MTUS2: variants seen among roughly 807,000 people sequenced by gnomAD.
The protein encoded by MTUS2 is microtubule-associated tumor suppressor candidate 2.
A neutral mutation model predicts 114.1 loss-of-function variants in MTUS2; 40 were observed. The observed-to-expected ratio is 0.35, with a 90% CI of 0.27 to 0.46. The LOEUF is 0.46. Among genes scored for constraint, MTUS2 ranks in the 20% least tolerant of loss-of-function variants. MTUS2 has a pLI of 1.00. For synonymous variants in MTUS2, 688 were observed against 672.0 expected, an observed-to-expected ratio of 1.02 and a Z score of -0.37; for missense variants, 1,679 against 1,705.4, an observed-to-expected ratio of 0.98 and a Z score of 0.27.
rs184199708 is a variant in MTUS2, at chr13:29,359,886, G to A, written c.3117+413G>A. On this transcript the variant is annotated intron_variant, in intron 8 of 15. Transcript: ENST00000612955. Reference sequence around the variant, plus strand: ...GAGACAGGGCCCCAGTACCGTTCACGTCGGCTGTTGATGGGCAATGGAATG... The same window carrying A: ...GAGACAGGGCCCCAGTACCGTTCACATCGGCTGTTGATGGGCAATGGAATG... Among the ~76,000 whole-genome samples, 21 of 152,256 alleles carry A rather than the reference G, an allele frequency of 1.4e-4. No individual in the cohort carries two copies. The East Asian group carries it at 1.7e-3, about 13-fold the overall frequency.
At chr13:29,046,485 C>T (rs1455133306) in intron 4 of MTUS2, among the ~76,000 whole-genome samples, 2 of 152,182 alleles carry the variant, frequency 1.3e-5, no homozygotes, top group Non-Finnish European at 1.5e-5. Context: ...TTATTGATTA[C>T]TCCTTTCTTT....
chr13:28,895,496 T>TAC (rs1879210799), intron 2 of MTUS2, among the ~76,000 whole-genome samples: 1 of 152,238 alleles, frequency 6.6e-6, no homozygotes, highest in Non-Finnish European at 1.5e-5. Context: ...ATTAGAGAGT[T>TAC]ACATTCATTC....
chr13:29,188,270 C>G (rs944988599), intron 5 of MTUS2, among the ~76,000 whole-genome samples: 4 of 151,954 alleles, frequency 2.6e-5, no homozygotes, highest in African/African-American at 9.7e-5. Flanking sequence ...GATTCCATGG[C>G]AAAAGAGTGG....
chr13:28,964,617 G>A lies in MTUS2; in HGVS notation c.-242-59840G>A, dbSNP rs12100136. 2.2e-3 allele frequency among the ~76,000 whole-genome samples: 329 copies of A among 151,608 alleles called. 2 individuals carry two copies. Among genetic ancestry groups the A allele is most frequent in the African/African-American group, 6.4e-3 (263 of 41,392 alleles). The stretch of plus-strand genomic sequence containing the variant: ...CTGCAGAGTTGCAAGTGACATTGGG[G>A]ATAAACAGATCTGTTGCTGCTTTTT... On this transcript the variant is annotated intron_variant, in intron 2 of 15. Transcript: ENST00000612955.
intron 2 of MTUS2, among the ~76,000 whole-genome samples, chr13:28,989,482 C>T (rs1884727373): frequency 6.6e-6 from 1 of 152,220 alleles, no homozygotes; most frequent in Non-Finnish European, 1.5e-5. Context: ...AAAAATATCC[C>T]TCAGCAATCT....
Position 28,873,300 on chromosome 13 carries a change from G to A in MTUS2, c.-243+33450G>A, listed in dbSNP as rs117227882. Among the ~76,000 whole-genome samples, 1,288 of 152,244 alleles carry A rather than the reference G, an allele frequency of 8.5e-3. 14 individuals are homozygous for A. The highest frequency in any genetic ancestry group is 8.6e-3 in the Non-Finnish European group (588 of 68,028). ...GCACATTCTGTTTACTCTGTCTGAT[G>A]TTTTTCTCACATCTCTTTGAGAAGT... On this transcript the variant is annotated intron_variant, in intron 2 of 15. Coordinates refer to ENST00000612955, the MANE Select transcript of MTUS2 (RefSeq NM_001033602.4).
intron 2 of MTUS2, among the ~76,000 whole-genome samples, chr13:28,841,791 A>G (rs1384031246): frequency 6.6e-6 from 1 of 151,686 alleles, no homozygotes; most frequent in Non-Finnish European, 1.5e-5. Context: ...GGTTCAAGCG[A>G]TTCTCCTGTC....
intron 2 of MTUS2, among the ~76,000 whole-genome samples, chr13:28,851,732 T>G (rs1317430381): frequency 6.7e-6 from 1 of 148,864 alleles, no homozygotes; most frequent in Non-Finnish European, 1.5e-5. Flanking sequence ...TTGAAGGGGC[T>G]TGTGCAAGTG....
At chr13:29,237,011 T>C (rs879355024) in intron 5 of MTUS2, among the ~76,000 whole-genome samples, 3 of 152,204 alleles carry the variant, frequency 2.0e-5, no homozygotes, top group Admixed American at 6.5e-5. Flanking sequence ...TCTGTACCCA[T>C]TAAATATTTG....
chr13:29,000,399 G>T (rs1206328041), intron 2 of MTUS2, among the ~76,000 whole-genome samples: 1 of 151,674 alleles, frequency 6.6e-6, no homozygotes, highest in Non-Finnish European at 1.5e-5. Flanking sequence ...TTTCATTCTT[G>T]TTGCCCAGGC....
At chr13:29,355,887 G>T (rs1197094150) in intron 7 of MTUS2, among the ~76,000 whole-genome samples, 1 of 152,190 alleles carries the variant, frequency 6.6e-6, no homozygotes, top group Non-Finnish European at 1.5e-5. Flanking sequence ...TTCATTTAAA[G>T]ATTCTGAATC....
intron 9 of MTUS2, among the ~76,000 whole-genome samples, chr13:29,447,862 T>C (rs926660455): frequency 1.6e-4 from 25 of 152,138 alleles, no homozygotes; most frequent in Admixed American, 2.0e-4. Flanking sequence ...TAATCACATT[T>C]AAAAATGTTC....
intron 5 of MTUS2, among the ~76,000 whole-genome samples, chr13:29,213,301 AAC>A (rs1446779572): frequency 6.6e-6 from 1 of 152,262 alleles, no homozygotes; most frequent in Non-Finnish European, 1.5e-5. Context: ...CCTATTTAAA[AAC>A]AGTGTCTACT....
intron 2 of MTUS2, among the ~76,000 whole-genome samples, chr13:28,925,402 A>T (rs1360295612): frequency 6.6e-6 from 1 of 152,224 alleles, no homozygotes; most frequent in African/African-American, 2.4e-5. Flanking sequence ...AGATATGTGG[A>T]CATGTAATCA....
rs1018898172 is a variant in MTUS2, at chr13:29,013,785, T to C, written c.-242-10672T>C. ...GTTAAACTATCCACACACACACACATACGTGCACAGGCACACGCATACCTA... is the reference window on the plus strand; with the variant it reads ...GTTAAACTATCCACACACACACACACACGTGCACAGGCACACGCATACCTA... On this transcript the variant is annotated intron_variant, in intron 2 of 15. Transcript: ENST00000612955. Among the ~76,000 whole-genome samples the C allele has an allele frequency of 6.9e-5, 9 of 131,256 alleles. No individual in the cohort carries two copies. The East Asian group carries it at 1.2e-3, about 18-fold the overall frequency. 86.1% of individuals were successfully genotyped at this position (131,256 alleles called of 152,430 possible). A position where few individuals can be genotyped will look rare whatever the true frequency, so the allele number is the denominator to read the frequency against.
rs368893637 is a variant in MTUS2, at chr13:29,449,033, C to G, written c.3184+8984C>G. 1.0e-3 allele frequency among the ~76,000 whole-genome samples: 159 copies of G among 152,208 alleles called. 2 individuals carry two copies. Among genetic ancestry groups the G allele is most frequent in the African/African-American group, 3.6e-3 (151 of 41,550 alleles). On this transcript the variant is annotated intron_variant, in intron 9 of 15. Transcript: ENST00000612955. Reference sequence around the variant, plus strand: ...CCTCCCAAAGTGTTGGGATTACAGGCATGAGCCACTGTACCTGGCCTAAAG... The same window carrying G: ...CCTCCCAAAGTGTTGGGATTACAGGGATGAGCCACTGTACCTGGCCTAAAG...
chr13:29,213,607 T>G (rs1895547135), intron 5 of MTUS2, among the ~76,000 whole-genome samples: 1 of 152,346 alleles, frequency 6.6e-6, no homozygotes, highest in East Asian at 1.9e-4. Context: ...CTGGTAATAC[T>G]TTTTTCCTTG....
intron 7 of MTUS2, among the ~76,000 whole-genome samples, chr13:29,349,762 T>C (rs569292479): frequency 6.6e-6 from 1 of 152,318 alleles, no homozygotes; most frequent in Non-Finnish European, 1.5e-5. Flanking sequence ...TTGTACATAA[T>C]GTGTCTTTTT....
At chr13:29,237,962 T>C (rs1025423631) in intron 5 of MTUS2, among the ~76,000 whole-genome samples, 2 of 152,154 alleles carry the variant, frequency 1.3e-5, no homozygotes, top group Non-Finnish European at 2.9e-5. Context: ...ACATGTATAC[T>C]GTTGGTTGGG....
Sources: gnomAD v4.1 joint callset for allele counts (sites outside exome capture counted in the v4.1 genomes callset) on GRCh38, gnomAD v4.1.1 for gene constraint, MANE v1.5 for transcripts, NCBI Gene and HGNC (gene_info 2026-07-23, HGNC 2026-07-21) for gene names.